STX8: variants seen among roughly 807,000 people sequenced by gnomAD.
The protein encoded by STX8 is syntaxin 8.
In STX8, 23 loss-of-function variants were observed where a neutral mutation model predicts 37.5. That is an observed-to-expected ratio of 0.61 (90% CI 0.44 to 0.87). The LOEUF (loss-of-function observed/expected upper bound fraction) is 0.87, where lower values mean the gene tolerates loss of function less well. STX8 is among the 40% of genes least tolerant of loss of function. The probability of loss-of-function intolerance (pLI) is 0.00; values close to 1 mark genes in which losing one functional copy is unlikely to be tolerated. For missense variants in STX8, 313 were observed against 284.7 expected (o/e 1.10, Z -0.71); for synonymous variants, 115 against 99.1 (o/e 1.16, Z -0.95).
At chr17:9,565,442 C>T (rs895434118) in intron 2 of STX8, among the ~76,000 whole-genome samples, 1 of 151,794 alleles carries the variant, frequency 6.6e-6, no homozygotes, top group Admixed American at 6.6e-5. Context: ...ATGGCGAAAC[C>T]CTCTCTCTAA....
chr17:9,556,525 T>C (rs1906969731), intron 3 of STX8, among the ~76,000 whole-genome samples: 1 of 151,870 alleles, frequency 6.6e-6, no homozygotes, highest in Admixed American at 6.6e-5. Flanking sequence ...CACTGCAACC[T>C]CCGCCTCCCA....
At chr17:9,513,313 CAA>C (rs35228175) in intron 4 of STX8, among the ~76,000 whole-genome samples, 95 of 78,020 alleles carry the variant, frequency 1.2e-3, no homozygotes, top group South Asian at 3.0e-3. Context: ...ACTCTATTTC[CAA>C]AAAAAAAAAA....
chr17:9,291,713 T>C (rs561279612), intron 7 of STX8, among the ~76,000 whole-genome samples: 2 of 152,326 alleles, frequency 1.3e-5, no homozygotes, highest in East Asian at 1.9e-4. Context: ...TTGGAATACA[T>C]AGGTCACAAA....
At chr17:9,427,083 G>A (rs1375857081) in intron 6 of STX8, among the ~76,000 whole-genome samples, 2 of 152,164 alleles carry the variant, frequency 1.3e-5, no homozygotes. Flanking sequence ...TAAGAGAGTT[G>A]CTATCTAGAG....
intron 7 of STX8, among the ~76,000 whole-genome samples, chr17:9,334,155 G>C (rs963634407): frequency 1.3e-5 from 2 of 151,360 alleles, no homozygotes; most frequent in African/African-American, 2.4e-5. Context: ...GTGTGGGGGT[G>C]GGGGGCAGTC....
intron 4 of STX8, among the ~76,000 whole-genome samples, chr17:9,514,431 C>T (rs908640446): frequency 6.6e-6 from 1 of 152,010 alleles, no homozygotes; most frequent in African/African-American, 2.4e-5. Context: ...ATGGTAAAAC[C>T]CTGTCTCTAC....
At chr17:9,494,236 C>G (rs1906992395) in intron 5 of STX8, among the ~76,000 whole-genome samples, 1 of 151,546 alleles carries the variant, frequency 6.6e-6, no homozygotes, top group South Asian at 2.1e-4. Flanking sequence ...AGGATGGTCT[C>G]GAGCTCCTGA....
intron 6 of STX8, among the ~76,000 whole-genome samples, chr17:9,456,202 A>T (rs1905182830): frequency 6.6e-6 from 1 of 152,200 alleles, no homozygotes; most frequent in African/African-American, 2.4e-5. Context: ...TACTTTTTAA[A>T]AAAACCCATT....
rs375185575 is a variant in STX8 at position 9,521,150 on chromosome 17, G to T, written c.324-15988C>A. Among the ~76,000 whole-genome samples, 7 of 152,270 alleles carry T rather than the reference G, an allele frequency of 4.6e-5. No homozygotes were observed. In the South Asian group the frequency reaches 1.4e-3, roughly 32 times the overall value. ...TCTTTGACAGAAATTCTTTAGAGAC[G>T]AAGTCTGGCAACAATACGCAGACTG... On this transcript the variant is annotated intron_variant, in intron 4 of 7. Coordinates refer to ENST00000306357, the MANE Select transcript of STX8 (RefSeq NM_004853.3).
At chr17:9,572,771 T>C (rs952650615) in intron 1 of STX8, among the ~76,000 whole-genome samples, 1 of 152,176 alleles carries the variant, frequency 6.6e-6, no homozygotes, top group South Asian at 2.1e-4. Flanking sequence ...CGACCCATTT[T>C]GTGCTTTGGG....
chr17:9,286,461 G>T (rs1439507152), intron 7 of STX8, among the ~76,000 whole-genome samples: 2 of 152,042 alleles, frequency 1.3e-5, no homozygotes, highest in Non-Finnish European at 2.9e-5. Context: ...TAGTACAAAC[G>T]GTTCTTTTTC....
At chr17:9,309,416 T>C (rs922664418) in intron 7 of STX8, among the ~76,000 whole-genome samples, 1 of 152,156 alleles carries the variant, frequency 6.6e-6, no homozygotes, top group African/African-American at 2.4e-5. Flanking sequence ...CTACTTATCA[T>C]GCAAACAACC....
At chr17:9,525,084 C>T (rs903495081) in intron 4 of STX8, among the ~76,000 whole-genome samples, 2 of 152,162 alleles carry the variant, frequency 1.3e-5, no homozygotes, top group Non-Finnish European at 2.9e-5. Flanking sequence ...ACTGGGATTA[C>T]AGGCGTGAGC....
chr17:9,386,841 C>T lies in STX8; in HGVS notation c.542-8188G>A, dbSNP rs773798781. Among the ~76,000 whole-genome samples the T allele has an allele frequency of 4.0e-4, 61 of 152,138 alleles. 2 individuals are homozygous for T. Among genetic ancestry groups the T allele is most frequent in the Non-Finnish European group, 4.4e-4 (30 of 68,024 alleles). On this transcript the variant is annotated intron_variant, in intron 6 of 7. Transcript: ENST00000306357. Reference sequence around the variant, plus strand: ...CTAAAATTCTGCCTGCTCTCAACTTCTACCTTAGGTATTTCTTTTTCTTTC... The same window carrying T: ...CTAAAATTCTGCCTGCTCTCAACTTTTACCTTAGGTATTTCTTTTTCTTTC...
chr17:9,308,052 G>A (rs1035491742), intron 7 of STX8, among the ~76,000 whole-genome samples: 3 of 152,162 alleles, frequency 2.0e-5, no homozygotes, highest in Non-Finnish European at 2.9e-5. Flanking sequence ...TGTATATGAC[G>A]TGGGGGCCTT....
intron 7 of STX8, among the ~76,000 whole-genome samples, chr17:9,368,204 T>C (rs927306030): frequency 6.6e-5 from 10 of 152,050 alleles, no homozygotes; most frequent in Admixed American, 1.3e-4. Context: ...TCTGAAGACA[T>C]AGAAAGAAAA....
rs201205903 is a variant in STX8, at chr17:9,327,400, GAGA to G, written c.643+51149_643+51151del. Among the ~76,000 whole-genome samples, 863 of 151,890 alleles carry G rather than the reference GAGA, an allele frequency of 5.7e-3. 29 individuals carry two copies. Among genetic ancestry groups the G allele is most frequent in the Admixed American group, 0.043 (651 of 15,230 alleles). On this transcript the variant is annotated intron_variant, in intron 7 of 7. Coordinates refer to ENST00000306357, the MANE Select transcript of STX8 (RefSeq NM_004853.3). ...GGAGAAGGAGGGGGAGAGGGAGAAG[GAGA>G]AGAAGAAGAAAAAGAAGATCCAAAG...
At chr17:9,258,637 C>T (rs768954940) in intron 7 of STX8, among the ~76,000 whole-genome samples, 16 of 152,234 alleles carry the variant, frequency 1.1e-4, no homozygotes, top group African/African-American at 1.9e-4. Flanking sequence ...TTTTAATTTC[C>T]GCCGAATAAT....
At chr17:9,335,870 C>A (rs1910124720) in intron 7 of STX8, among the ~76,000 whole-genome samples, 1 of 150,762 alleles carries the variant, frequency 6.6e-6, no homozygotes, top group African/African-American at 2.4e-5. Flanking sequence ...TAAATATACT[C>A]ACATGAACAT....
Sources: gnomAD v4.1 joint callset for allele counts (sites outside exome capture counted in the v4.1 genomes callset) on GRCh38, gnomAD v4.1.1 for gene constraint, MANE v1.5 for transcripts, NCBI Gene and HGNC (gene_info 2026-07-23, HGNC 2026-07-21) for gene names.